Variants in TRABD2B observed in about 807,000 individuals in gnomAD.
TRABD2B encodes the protein metalloprotease TIKI2.
TRABD2B carries 14 observed loss-of-function variants against 40.1 expected under a neutral mutation model. The ratio of observed to expected loss-of-function variants is 0.35; its 90% CI spans 0.23 to 0.55. The LOEUF is 0.55. Ranked by LOEUF, TRABD2B falls within the 20% of genes least tolerant of loss-of-function variation. TRABD2B has a pLI of 0.90. For missense variants in TRABD2B, 541 were observed against 648.6 expected (o/e 0.83, Z 1.80); for synonymous variants, 263 against 277.0 (o/e 0.95, Z 0.50).
At chr1:47,803,443 T>C (rs1450637800) in intron 2 of TRABD2B, among the ~76,000 whole-genome samples, 1 of 152,178 alleles carries the variant, frequency 6.6e-6, no homozygotes, top group African/African-American at 2.4e-5. Context: ...TGCTGGATGA[T>C]GAGAGACATG....
rs183481253 is a variant in TRABD2B at position 47,808,348 on chromosome 1, T to C, written c.667-6729A>G. Among the ~76,000 whole-genome samples, 3 of 152,300 alleles carry C rather than the reference T, an allele frequency of 2.0e-5. No homozygotes were observed. In the East Asian group the frequency reaches 5.8e-4, roughly 29 times the overall value. ...ATACCTATATATATATTTACAGAGATACATACACACATACATATATTCTAT... is the reference window on the plus strand; with the variant it reads ...ATACCTATATATATATTTACAGAGACACATACACACATACATATATTCTAT... On this transcript the variant is annotated intron_variant, in intron 2 of 6. Coordinates refer to ENST00000606738, the MANE Select transcript of TRABD2B (RefSeq NM_001194986.2).
chr1:47,794,741 G>T lies in TRABD2B; in HGVS notation c.833C>A (p.Thr278Asn). Reference sequence around the variant, plus strand: ...CACCTGCTCGTGTGGCGGGAGGGTGGTGTTGATAAAGTTGGGCAGCTGCAA... The same window carrying T: ...CACCTGCTCGTGTGGCGGGAGGGTGTTGTTGATAAAGTTGGGCAGCTGCAA... Reference protein sequence around the residue: ...DTSQLPNFINTTLPPHEQVTA... With the variant: ...DTSQLPNFINNTLPPHEQVTA... The change falls in exon 4 of 7, where the codon ACC becomes AAC. Residue 278 changes from threonine (T) to asparagine (N), a missense_variant. By Grantham distance (65) the Thr-to-Asn change is moderately conservative (BLOSUM62 0). Transcript: ENST00000606738. 6.5e-7 allele frequency: 1 copy of T among 1,531,874 alleles called. No homozygotes were observed. The highest frequency in any genetic ancestry group is 8.7e-7 in the Non-Finnish European group (1 of 1,144,658). The allele number at this position is 1,531,874 out of a possible 1,614,324, so 94.9% of individuals were successfully genotyped here.
chr1:47,844,146 T>A (rs1645436057), intron 2 of TRABD2B, among the ~76,000 whole-genome samples: 1 of 152,144 alleles, frequency 6.6e-6, no homozygotes, highest in African/African-American at 2.4e-5. Context: ...CATGTCACCG[T>A]CCCCTGCAGC....
At chr1:47,806,638 C>T (rs1244893835) in intron 2 of TRABD2B, among the ~76,000 whole-genome samples, 3 of 152,150 alleles carry the variant, frequency 2.0e-5, no homozygotes, top group Non-Finnish European at 2.9e-5. Context: ...GCTGGCTGGA[C>T]ATGAAATGGC....
At chr1:47,828,358 T>A (rs1645204218) in intron 2 of TRABD2B, among the ~76,000 whole-genome samples, 1 of 152,122 alleles carries the variant, frequency 6.6e-6, no homozygotes, top group African/African-American at 2.4e-5. Context: ...TCCCCCTATG[T>A]GGGTGAGGGG....
intron 2 of TRABD2B, among the ~76,000 whole-genome samples, chr1:47,956,297 G>A (rs534802842): frequency 2.0e-4 from 30 of 152,298 alleles, no homozygotes; most frequent in Non-Finnish European, 2.8e-4. Context: ...GGTGAGTGAC[G>A]CAGAAGACGG....
At chr1:47,881,818 T>C (rs1644307627) in intron 2 of TRABD2B, among the ~76,000 whole-genome samples, 1 of 152,236 alleles carries the variant, frequency 6.6e-6, no homozygotes, top group Non-Finnish European at 1.5e-5. Context: ...TGTGTCTGCA[T>C]GTCCTGATAT....
chr1:47,849,788 C>T (rs566844570), intron 2 of TRABD2B, among the ~76,000 whole-genome samples: 3 of 152,338 alleles, frequency 2.0e-5, no homozygotes, highest in African/African-American at 4.8e-5. Flanking sequence ...ACGTGGCTCC[C>T]GCCCAAGGTT....
intron 2 of TRABD2B, among the ~76,000 whole-genome samples, chr1:47,952,942 T>A (rs963126358): frequency 6.6e-6 from 1 of 152,176 alleles, no homozygotes; most frequent in African/African-American, 2.4e-5. Flanking sequence ...CCTCTTGCCC[T>A]GTCTTTTGGG....
chr1:47,827,018 G>A (rs1205243682), intron 2 of TRABD2B, among the ~76,000 whole-genome samples: 1 of 152,214 alleles, frequency 6.6e-6, no homozygotes, highest in Non-Finnish European at 1.5e-5. Flanking sequence ...CTCATAGTCT[G>A]GCTCTGCCAA....
chr1:47,953,442 G>A (rs954887752), intron 2 of TRABD2B, among the ~76,000 whole-genome samples: 1 of 152,068 alleles, frequency 6.6e-6, no homozygotes, highest in South Asian at 2.1e-4. Flanking sequence ...ATGGTCCTTT[G>A]CTTTTAAAAT....
chr1:47,770,410 C>A (rs1404666438), intron 6 of TRABD2B, among the ~76,000 whole-genome samples: 4 of 152,238 alleles, frequency 2.6e-5, no homozygotes, highest in African/African-American at 9.6e-5. Context: ...TCCACATGGT[C>A]TTCTGTGCTG....
chr1:47,949,401 C>CTTTTTTTTTTTTTTTTTTTTTT (rs35027686), intron 2 of TRABD2B, among the ~76,000 whole-genome samples: 1 of 80,280 alleles, frequency 1.2e-5, no homozygotes, highest in Non-Finnish European at 2.3e-5. Flanking sequence ...TCTTTTCTTT[C>CTTTTTTTTTTTTTTTTTTTTTT]TTTTTTTTTT....
intron 2 of TRABD2B, among the ~76,000 whole-genome samples, chr1:47,881,148 C>T (rs1644297907): frequency 6.6e-6 from 1 of 152,144 alleles, no homozygotes; most frequent in Non-Finnish European, 1.5e-5. Flanking sequence ...ATGGTCTGGT[C>T]CCATGCCCAT....
chr1:47,896,362 A>T lies in TRABD2B; in HGVS notation c.667-94743T>A, dbSNP rs1211621081. On this transcript the variant is annotated intron_variant, in intron 2 of 6. Transcript: ENST00000606738. ...GATGGGGCTGTGGAGGCTCAAGGCT[A>T]ACAAAGAAACTCTGGGTTCAACAGA... Among the ~76,000 whole-genome samples the T allele has an allele frequency of 2.6e-5, 4 of 152,082 alleles. No homozygotes were observed. The East Asian group carries it at 7.7e-4, about 29-fold the overall frequency.
rs1644267465 is a variant in TRABD2B, at chr1:47,763,614, T to G, written c.*2288A>C. ...TAATTACAAGCTGCATTAATTTACC[T>G]TCTTGGCTCAGTGCCTGGCACAGAT... On this transcript the variant is annotated 3_prime_UTR_variant, in exon 7 of 7. Transcript: ENST00000606738. 1 of 152,250 alleles carries G rather than the reference T, an allele frequency of 6.6e-6. No homozygotes were observed. Among genetic ancestry groups the G allele is most frequent in the African/African-American group, 2.4e-5 (1 of 41,460 alleles). 9.4% of individuals were successfully genotyped at this position (152,250 alleles called of 1,614,324 possible).
Position 47,775,449 on chromosome 1 carries a change from G to T in TRABD2B, c.1080-10C>A. ...GCTCTGGGGGGCAGGGCTGGAAAGA[G>T]GTAATGGCACATGGGGCACATGTGT... On this transcript the variant is annotated splice_polypyrimidine_tract_variant and intron_variant, in intron 5 of 6. Transcript: ENST00000606738. The T allele has an allele frequency of 8.1e-7, 1 of 1,234,716 alleles. No individual in the cohort carries two copies. The highest frequency in any genetic ancestry group is 1.0e-6 in the Non-Finnish European group (1 of 988,468). The allele number at this position is 1,234,716 out of a possible 1,614,324, so 76.5% of individuals were successfully genotyped here.
chr1:47,941,019 C>T lies in TRABD2B; in HGVS notation c.666+53015G>A, dbSNP rs184480282. Among the ~76,000 whole-genome samples, 36 of 152,262 alleles carry T rather than the reference C, an allele frequency of 2.4e-4. No homozygotes were observed. In the East Asian group the frequency reaches 6.6e-3, roughly 28 times the overall value. ...CACTTACCCACTCCCGACTGGCTGG[C>T]TGTCTCTGTCCCAAAACATCTTGTG... On this transcript the variant is annotated intron_variant, in intron 2 of 6. Transcript: ENST00000606738.
intron 2 of TRABD2B, among the ~76,000 whole-genome samples, chr1:47,989,787 C>T (rs949153263): frequency 1.3e-5 from 2 of 152,030 alleles, no homozygotes; most frequent in South Asian, 2.1e-4. Context: ...CACACACACA[C>T]ACAATTCAGC....
Sources: gnomAD v4.1 joint callset for allele counts (sites outside exome capture counted in the v4.1 genomes callset) on GRCh38, gnomAD v4.1.1 for gene constraint, MANE v1.5 for transcripts, NCBI Gene and HGNC (gene_info 2026-07-23, HGNC 2026-07-21) for gene names.